GPRIN1: variants seen among roughly 807,000 people sequenced by gnomAD.
GPRIN1 encodes G protein-regulated inducer of neurite outgrowth 1.
A neutral mutation model predicts 2.8 loss-of-function variants in GPRIN1; 4 were observed. The ratio of observed to expected loss-of-function variants is 1.45; its 90% CI spans 0.71 to 3.32. The LOEUF is 3.32. Ranked by LOEUF, GPRIN1 falls within the 30% of genes most tolerant of loss-of-function variation. GPRIN1 has a pLI of 0.01. For synonymous variants in GPRIN1, 589 were observed against 589.9 expected, an observed-to-expected ratio of 1.00 and a Z score of 0.02; for missense variants, 1,322 against 1,343.4, an observed-to-expected ratio of 0.98 and a Z score of 0.25.
rs1277235514 is a variant in GPRIN1 at position 176,599,108 on chromosome 5, G to T, written c.727C>A (p.Pro243Thr). Residue 243 changes from proline to threonine, a missense_variant, in exon 2 of 2, where the codon CCT becomes ACT. Physicochemically the swap from Pro to Thr is conservative, Grantham distance 38. Around this residue, in one of 3 missense-constraint regions of GPRIN1, gnomAD observed 1,117 missense variants for 1,128.6 expected, o/e 0.99. Coordinates refer to ENST00000303991, the MANE Select transcript of GPRIN1 (RefSeq NM_052899.3). ...GGGTCCACTTTGTCTGAGGACACAG[G>T]ATCCACCTTTCTCAAAGACCCAGGA... Reference protein sequence around the residue: ...EDPGSLRKVDPVSSDKVDPVF... With the variant: ...EDPGSLRKVDTVSSDKVDPVF... 1 of 1,613,980 alleles carries T rather than the reference G, an allele frequency of 6.2e-7. No individual in the cohort carries two copies. Among genetic ancestry groups the T allele is most frequent in the Non-Finnish European group, 8.5e-7 (1 of 1,179,918 alleles).
At position 176,599,689 on chromosome 5, in the gene GPRIN1, TG is replaced by T. The variant is rs1759118788; in HGVS notation, c.145del (p.Gln49SerfsTer87). On this transcript the variant is annotated frameshift_variant, in exon 2 of 2. Coordinates refer to ENST00000303991, the MANE Select transcript of GPRIN1 (RefSeq NM_052899.3). LOFTEE classifies it low-confidence loss of function (END_TRUNC). ...GGGGGGTGCAGGGCTTGCCTTTTGCTGGGAGGGGCAGTAATCCCTCATAGCC... is the reference window on the plus strand; with the variant it reads ...GGGGGGTGCAGGGCTTGCCTTTTGCTGGAGGGGCAGTAATCCCTCATAGCC... Reference protein sequence around the residue: ...SSAMRDYCPSQQKASPAPPRH... With the variant: ...SSAMRDYCPSXQKASPAPPRH... 4 of 1,571,352 alleles carry T rather than the reference TG, an allele frequency of 2.5e-6. No homozygotes were observed. Among genetic ancestry groups the T allele is most frequent in the Non-Finnish European group, 3.5e-6 (4 of 1,156,908 alleles).
In GPRIN1 at chr5:176,600,115, CTTTCTT is replaced by C. The variant is rs759214137; in HGVS notation, c.-43-244_-43-239del. Among the ~76,000 whole-genome samples, 6 of 152,312 alleles carry C rather than the reference CTTTCTT, an allele frequency of 3.9e-5. No homozygotes were observed. The East Asian group carries it at 5.8e-4, about 15-fold the overall frequency. On this transcript the variant is annotated intron_variant, in intron 1 of 1. Transcript: ENST00000303991. ...CCTTCACAACTTGGCCACAGCCTAA[CTTTCTT>C]TTTCTTTTTCTTTTTTGAGACAGAG...
intron 1 of GPRIN1, among the ~76,000 whole-genome samples, chr5:176,609,240 G>A (rs1759272593): frequency 6.6e-6 from 1 of 152,206 alleles, no homozygotes; most frequent in African/African-American, 2.4e-5. Context: ...GGGGTGAGCA[G>A]GCCAGGGCAG....
chr5:176,596,816 C>A lies in GPRIN1; in HGVS notation c.3019G>T (p.Ala1007Ser). ...TACAAAATGGGGGCAGATCACTCGG[C>A]CGTGGGTCCCGCCCGCGAGCAGCAC... ...PRCCSRAGPT[A>S]E The change falls in exon 2 of 2, where the codon GCC (alanine) becomes TCC (serine). Residue 1007 changes from alanine to serine, a missense_variant. Transcript: ENST00000303991. This position sits in a 1 kb window ranked among gnomAD's most constrained non-coding sequence, Gnocchi z 5.2. 7.0e-7 allele frequency: 1 copy of A among 1,427,526 alleles called. No individual in the cohort carries two copies. Among genetic ancestry groups the A allele is most frequent in the South Asian group, 1.5e-5 (1 of 66,756 alleles). 88.4% of individuals were successfully genotyped at this position (1,427,526 alleles called of 1,614,324 possible).
In GPRIN1 at chr5:176,597,551, T is replaced by G. The variant is rs763301179; in HGVS notation, c.2284A>C (p.Ser762Arg). ...GCTTCCAGGTCTTTCTGGCCGAGACTGGAGGCCTCGGTGCTGGACACGGGC... is the reference window on the plus strand; with the variant it reads ...GCTTCCAGGTCTTTCTGGCCGAGACGGGAGGCCTCGGTGCTGGACACGGGC... ...AEPVSSTEAS[S>R]LGQKDLEAAG... Residue 762 changes from serine (S) to arginine (R), a missense_variant, in exon 2 of 2, where the codon AGT becomes CGT. Coordinates refer to ENST00000303991, the MANE Select transcript of GPRIN1 (RefSeq NM_052899.3). This position sits in a 1 kb window ranked among gnomAD's most constrained non-coding sequence, Gnocchi z 6.1. 3 of 1,560,324 alleles carry G rather than the reference T, an allele frequency of 1.9e-6. No homozygotes were observed. The highest frequency in any genetic ancestry group is 1.7e-6 in the Non-Finnish European group (2 of 1,158,256).
rs770063850 is a variant in GPRIN1 at position 176,596,813 on chromosome 5, C to T, written c.3022G>A (p.Glu1008Lys). The T allele has an allele frequency of 9.1e-6, 13 of 1,428,712 alleles. No individual in the cohort carries two copies. Among genetic ancestry groups the T allele is most frequent in the East Asian group, 2.7e-5 (1 of 36,412 alleles). 88.5% of individuals were successfully genotyped at this position (1,428,712 alleles called of 1,614,324 possible). A position where few individuals can be genotyped will look rare whatever the true frequency, so the allele number is the denominator to read the frequency against. ...RCCSRAGPTAE is the reference protein window; with the variant it reads ...RCCSRAGPTAK ...GCGTACAAAATGGGGGCAGATCACT[C>T]GGCCGTGGGTCCCGCCCGCGAGCAG... Residue 1008 changes from glutamate to lysine, a missense_variant, in exon 2 of 2, where the codon GAG becomes AAG. Around this residue, in one of 3 missense-constraint regions of GPRIN1, gnomAD observed 196 missense variants for 189.2 expected, o/e 1.04. Coordinates refer to ENST00000303991, the MANE Select transcript of GPRIN1 (RefSeq NM_052899.3). The surrounding 1 kb of genome is among the most constrained non-coding windows in gnomAD (Gnocchi z 5.2).
chr5:176,600,108 A>T (rs1759124034), intron 1 of GPRIN1, among the ~76,000 whole-genome samples: 1 of 152,198 alleles, frequency 6.6e-6, no homozygotes, highest in Admixed American at 6.5e-5. Context: ...ACTTGGCCAC[A>T]GCCTAACTTT....
rs1759232946 is a variant in GPRIN1, at chr5:176,607,112, G to T, written c.-44+2887C>A. Among the ~76,000 whole-genome samples, 4 of 152,324 alleles carry T rather than the reference G, an allele frequency of 2.6e-5. No individual in the cohort carries two copies. In the South Asian group the frequency reaches 6.2e-4, roughly 24 times the overall value. ...TTTTCCAATCTGTGAAATGGGAGAG[G>T]GGATGTAGTTACATCTGGAAGAGAT... On this transcript the variant is annotated intron_variant, in intron 1 of 1. Coordinates refer to ENST00000303991, the MANE Select transcript of GPRIN1 (RefSeq NM_052899.3).
At chr5:176,609,773 CCCCCGCCCCGCCCCG>C (rs565734795) in intron 1 of GPRIN1, among the ~76,000 whole-genome samples, 44 of 148,940 alleles carry the variant, frequency 3.0e-4, no homozygotes, top group African/African-American at 8.8e-4. Flanking sequence ...GCGGGACCCG[CCCCCGCCCCGCCCCG>C]CCCCGCCCCG....
chr5:176,597,476 CCGGCGGGGGCGCTGCGGCCT>C lies in GPRIN1; in HGVS notation c.2339_2358del (p.Glu780GlyfsTer122). The C allele has an allele frequency of 4.5e-6, 6 of 1,334,864 alleles. No homozygotes were observed. Among genetic ancestry groups the C allele is most frequent in the Non-Finnish European group, 5.7e-6 (6 of 1,045,810 alleles). The allele number at this position is 1,334,864 out of a possible 1,614,324, so 82.7% of individuals were successfully genotyped here. On this transcript the variant is annotated frameshift_variant, in exon 2 of 2. Coordinates refer to ENST00000303991, the MANE Select transcript of GPRIN1 (RefSeq NM_052899.3). LOFTEE classifies it low-confidence loss of function (END_TRUNC). The surrounding 1 kb of genome is among the most constrained non-coding windows in gnomAD (Gnocchi z 6.1). ...GTGAAGTTGTCGCGAGTCCGCGGCCCCGGCGGGGGCGCTGCGGCCTCTGGGCAGGGGCTTCTCTCGGCCCC... is the reference window on the plus strand; with the variant it reads ...GTGAAGTTGTCGCGAGTCCGCGGCCCCTGGGCAGGGGCTTCTCTCGGCCCC...
chr5:176,601,207 G>A (rs1414846055), intron 1 of GPRIN1, among the ~76,000 whole-genome samples: 2 of 152,222 alleles, frequency 1.3e-5, no homozygotes, highest in Non-Finnish European at 2.9e-5. Context: ...ATAGTCAGAT[G>A]TGTGTGTTTT....
chr5:176,598,280 CT>C lies in GPRIN1; in HGVS notation c.1554del (p.Gly519GlufsTer36). 1 of 1,613,694 alleles carries C rather than the reference CT, an allele frequency of 6.2e-7. No individual in the cohort carries two copies. The highest frequency in any genetic ancestry group is 8.5e-7 in the Non-Finnish European group (1 of 1,179,906). On this transcript the variant is annotated frameshift_variant, in exon 2 of 2. Coordinates refer to ENST00000303991, the MANE Select transcript of GPRIN1 (RefSeq NM_052899.3). LOFTEE classifies it low-confidence loss of function (END_TRUNC). ...AVKAEPATGGKGDPLSSEKAG... is the reference protein window; with the variant it reads ...AVKAEPATGGXGDPLSSEKAG... ...GCCTTCTCCGAGGACAGGGGATCTC[CT>C]TTTCCCCCCGTCGCTGGCTCAGCCT...
chr5:176,598,331 T>A lies in GPRIN1; in HGVS notation c.1504A>T (p.Thr502Ser), dbSNP rs751160653. The A allele has an allele frequency of 1.2e-6, 2 of 1,613,758 alleles. No individual in the cohort carries two copies. Among genetic ancestry groups the A allele is most frequent in the South Asian group, 2.2e-5 (2 of 91,066 alleles). Residue 502 changes from threonine to serine, a missense_variant, in exon 2 of 2, where the codon ACA (threonine) becomes TCA (serine). Around this residue, in one of 3 missense-constraint regions of GPRIN1, gnomAD observed 1,117 missense variants for 1,128.6 expected, o/e 0.99. Coordinates refer to ENST00000303991, the MANE Select transcript of GPRIN1 (RefSeq NM_052899.3). Reference sequence around the variant, plus strand: ...TTTACTGCAGATGGGGGACCTGCTGTCCCCAAGGACCTGGGATCGCCTGGA... The same window carrying A: ...TTTACTGCAGATGGGGGACCTGCTGACCCCAAGGACCTGGGATCGCCTGGA... ...SGPGDPRSLGTAGPPSAVKAE... is the reference protein window; with the variant it reads ...SGPGDPRSLGSAGPPSAVKAE...
At chr5:176,605,498 C>A (rs533309918) in intron 1 of GPRIN1, among the ~76,000 whole-genome samples, 3 of 152,094 alleles carry the variant, frequency 2.0e-5, no homozygotes, top group African/African-American at 7.2e-5. Flanking sequence ...CCAGGGTGAC[C>A]GGGAAGATGG....
chr5:176,609,572 G>T (rs1172498746), intron 1 of GPRIN1, among the ~76,000 whole-genome samples: 1 of 152,182 alleles, frequency 6.6e-6, no homozygotes, highest in Non-Finnish European at 1.5e-5. Context: ...GGAGCCAGTG[G>T]AGCGTTGAGC....
Position 176,597,244 on chromosome 5 carries a change from C to T in GPRIN1, c.2591G>A (p.Gly864Asp). 3 of 1,254,782 alleles carry T rather than the reference C, an allele frequency of 2.4e-6. No individual in the cohort carries two copies. Among genetic ancestry groups the T allele is most frequent in the Non-Finnish European group, 3.0e-6 (3 of 1,001,830 alleles). 77.7% of individuals were successfully genotyped at this position (1,254,782 alleles called of 1,614,324 possible). A position where few individuals can be genotyped will look rare whatever the true frequency, so the allele number is the denominator to read the frequency against. The change falls in exon 2 of 2, where the codon GGC (glycine) becomes GAC (aspartate). Residue 864 changes from glycine to aspartate, a missense_variant. Physicochemically the swap from Gly to Asp is moderately conservative, Grantham distance 94. Around this residue, in one of 3 missense-constraint regions of GPRIN1, gnomAD observed 1,117 missense variants for 1,128.6 expected, o/e 0.99. Transcript: ENST00000303991. The surrounding 1 kb of genome is among the most constrained non-coding windows in gnomAD (Gnocchi z 6.1). ...GGCCACGGAGCGCGTCTCGGCGGCG[C>T]CCAGCGACACCTGCAGGCCCGCATC... ...RRDAGLQVSL[G>D]AAETRSVATG...
At chr5:176,606,340 C>G (rs1481086133) in intron 1 of GPRIN1, among the ~76,000 whole-genome samples, 1 of 152,188 alleles carries the variant, frequency 6.6e-6, no homozygotes, top group Non-Finnish European at 1.5e-5. Flanking sequence ...GGGTCTGCAG[C>G]AGGGACACAA....
rs375104906 is a variant in GPRIN1, at chr5:176,598,685, C to T, written c.1150G>A (p.Glu384Lys). ...LGKMDPASSG[E>K]GRPVSGHTDT... ...GTGTGGCCAGACACAGGACGCCCCTCTCCTGAGGAGGCAGGGTCCATCTTT... is the reference window on the plus strand; with the variant it reads ...GTGTGGCCAGACACAGGACGCCCCTTTCCTGAGGAGGCAGGGTCCATCTTT... The change falls in exon 2 of 2, where the codon GAG (glutamate) becomes AAG (lysine). Residue 384 changes from glutamate (E) to lysine (K), a missense_variant. Glu to Lys is a moderately conservative substitution (Grantham distance 56). This residue lies in a region of GPRIN1 where 1,117 missense variants were observed against 1,128.6 expected (regional missense o/e 0.99). Transcript: ENST00000303991. The T allele has an allele frequency of 3.1e-6, 5 of 1,614,002 alleles. No individual in the cohort carries two copies. The African/African-American group carries it at 5.3e-5, about 17-fold the overall frequency.
Position 176,597,156 on chromosome 5 carries a change from G to T in GPRIN1, c.2679C>A (p.Pro893=). The part of the protein sequence containing the change: ...PPAFPEVRVR[P]GSALAAAVAP... ...CTACAGCGGCCGCCAGCGCTGAGCC[G>T]GGCCGCACCCGCACTTCGGGGAAGG... The change falls in exon 2 of 2, where the codon CCC becomes CCA. Residue 893 remains proline (P), a synonymous_variant. Transcript: ENST00000303991. The surrounding 1 kb of genome is among the most constrained non-coding windows in gnomAD (Gnocchi z 6.1). The T allele has an allele frequency of 7.1e-7, 1 of 1,409,678 alleles. No homozygotes were observed. Among genetic ancestry groups the T allele is most frequent in the Admixed American group, 2.5e-5 (1 of 40,242 alleles). The allele number at this position is 1,409,678 out of a possible 1,614,324, so 87.3% of individuals were successfully genotyped here.
Sources: allele counts gnomAD v4.1 joint callset (sites outside exome capture counted in the v4.1 genomes callset), GRCh38; gene constraint gnomAD v4.1.1; regional missense constraint gnomAD v4.1.1; non-coding constraint Gnocchi (gnomAD v3.1); transcripts MANE v1.5; gene names NCBI Gene and HGNC (gene_info 2026-07-23, HGNC 2026-07-21).